RIMBP2: variants seen among roughly 807,000 people sequenced by gnomAD.
The protein encoded by RIMBP2 is RIMS binding protein 2.
Under a neutral mutation model 118.6 loss-of-function variants are expected in RIMBP2, and 48 were observed. The ratio of observed to expected loss-of-function variants is 0.40; its 90% CI spans 0.32 to 0.51. RIMBP2 has a LOEUF of 0.51. Ranked by LOEUF, RIMBP2 falls within the 20% of genes least tolerant of loss-of-function variation. The pLI is 0.41. For synonymous variants in RIMBP2, 762 were observed against 742.9 expected (o/e 1.03, Z -0.42); for missense variants, 1,551 against 1,768.3 (o/e 0.88, Z 2.20).
In RIMBP2 at chr12:130,424,345, C is replaced by T. The variant is rs1593244857; in HGVS notation, c.2926G>A (p.Glu976Lys). Reference protein sequence around the residue: ...RQSSVEEDFGEQVGPGGLLRN... With the variant: ...RQSSVEEDFGKQVGPGGLLRN... Reference sequence around the variant, plus strand: ...AGGAGGCCACCAGGGCCCACCTGCTCCCCAAAGTCCTCCTCCACGCTGCTC... The same window carrying T: ...AGGAGGCCACCAGGGCCCACCTGCTTCCCAAAGTCCTCCTCCACGCTGCTC... Residue 976 changes from glutamate to lysine, a missense_variant, in exon 16 of 23, where the codon GAG becomes AAG. By Grantham distance (56) the Glu-to-Lys change is moderately conservative. This residue lies in a region of RIMBP2 where 1,038 missense variants were observed against 1,125.1 expected (regional missense o/e 0.92). Coordinates refer to ENST00000690449, the MANE Select transcript of RIMBP2 (RefSeq NM_001393629.1). This position sits in a 1 kb window ranked among gnomAD's most constrained non-coding sequence, Gnocchi z 9.8. The T allele has an allele frequency of 8.1e-7, 1 of 1,232,222 alleles. No individual in the cohort carries two copies. Among genetic ancestry groups the T allele is most frequent in the African/African-American group, 1.5e-5 (1 of 64,522 alleles). The allele number at this position is 1,232,222 out of a possible 1,614,324, so 76.3% of individuals were successfully genotyped here. A position where few individuals can be genotyped will look rare whatever the true frequency, so the allele number is the denominator to read the frequency against.
At chr12:130,610,252 G>T (rs1200837501) in intron 2 of RIMBP2, among the ~76,000 whole-genome samples, 1 of 150,840 alleles carries the variant, frequency 6.6e-6, no homozygotes, top group Non-Finnish European at 1.5e-5. Context: ...TGCTCCTCCC[G>T]GTCCCTCCCG....
At chr12:130,590,027 A>G (rs1299420087) in intron 2 of RIMBP2, among the ~76,000 whole-genome samples, 1 of 152,196 alleles carries the variant, frequency 6.6e-6, no homozygotes, top group African/African-American at 2.4e-5. Flanking sequence ...GAGGGATTGG[A>G]GTCTTCGACT....
intron 1 of RIMBP2, among the ~76,000 whole-genome samples, chr12:130,675,662 G>A (rs1278019234): frequency 3.3e-5 from 5 of 152,146 alleles, no homozygotes; most frequent in Admixed American, 1.3e-4. Context: ...CAATCAGATC[G>A]GTTTCAGCTT....
chr12:130,676,545 C>T (rs1011664007), intron 1 of RIMBP2, among the ~76,000 whole-genome samples: 13 of 151,852 alleles, frequency 8.6e-5, no homozygotes, highest in Non-Finnish European at 8.8e-5. Flanking sequence ...ATCGCTTGAA[C>T]CCGGGAGGTG....
intron 2 of RIMBP2, among the ~76,000 whole-genome samples, chr12:130,589,601 A>G (rs2140301164): frequency 6.6e-6 from 1 of 152,290 alleles, no homozygotes; most frequent in Non-Finnish European, 1.5e-5. Flanking sequence ...AGCCATGCCC[A>G]GTTTGTTCTC....
At position 130,475,342 on chromosome 12, in the gene RIMBP2, C is replaced by T. The variant is rs565679614; in HGVS notation, c.102+3570G>A. 5.3e-5 allele frequency among the ~76,000 whole-genome samples: 8 copies of T among 152,306 alleles called. No individual in the cohort carries two copies. The highest frequency in any genetic ancestry group is 1.9e-4 in the East Asian group (1 of 5,176). The stretch of plus-strand genomic sequence containing the variant: ...TGGGATGCAGGCCCCTGATATTAGA[C>T]GCCTGAATGTCCAGCACCCTCTCAA... On this transcript the variant is annotated intron_variant, in intron 5 of 22. Transcript: ENST00000690449. This position sits in a 1 kb window ranked among gnomAD's most constrained non-coding sequence, Gnocchi z 4.1.
intron 22 of RIMBP2, 38 bp downstream of exon 22, chr12:130,399,641 C>T (rs202012356): frequency 3.1e-5 from 50 of 1,609,864 alleles, no homozygotes; most frequent in African/African-American, 1.1e-4. Context: ...TATGGCAGAA[C>T]GGGACAGAGA....
Position 130,428,314 on chromosome 12 carries a change from C to T in RIMBP2, c.2277G>A (p.Glu759=), listed in dbSNP as rs140050120. Residue 759 remains glutamate (E), a synonymous_variant, in exon 15 of 23, where the codon GAG becomes GAA. Transcript: ENST00000690449. ...GKQPHCCHGD[E]YHTESSRGSD... is the part of the protein sequence containing the mutation. ...ACCCCCGGCTGCTCTCTGTGTGGTA[C>T]TCGTCTCCATGGCAACAGTGCGGCT... 1 of 1,611,954 alleles carries T rather than the reference C, an allele frequency of 6.2e-7. No individual in the cohort carries two copies. The highest frequency in any genetic ancestry group is 8.5e-7 in the Non-Finnish European group (1 of 1,178,954).
At chr12:130,708,773 G>A (rs1312834126) in intron 1 of RIMBP2, among the ~76,000 whole-genome samples, 3 of 152,188 alleles carry the variant, frequency 2.0e-5, no homozygotes, top group South Asian at 2.1e-4. Flanking sequence ...AGAGGCTCGC[G>A]TGGGCCCTGG....
chr12:130,642,441 C>T (rs992456266), intron 1 of RIMBP2, among the ~76,000 whole-genome samples: 21 of 152,112 alleles, frequency 1.4e-4, no homozygotes, highest in Admixed American at 1.4e-3. Flanking sequence ...CCCGCTACCA[C>T]GCCCAGCTAA....
chr12:130,512,665 G>A (rs2051041154), intron 3 of RIMBP2, among the ~76,000 whole-genome samples: 1 of 152,150 alleles, frequency 6.6e-6, no homozygotes, highest in South Asian at 2.1e-4. Context: ...CAGTCTCCTG[G>A]ATGTTCTCAA....
Position 130,437,238 on chromosome 12 carries a change from C to G in RIMBP2, c.1710G>C (p.Arg570=). 1 of 1,586,754 alleles carries G rather than the reference C, an allele frequency of 6.3e-7. No individual in the cohort carries two copies. ...TADSTAVELV[R]LRSLEAKGVT... ...CGCCCTTGGCCTCCAGGCTCCGCAGCCGCACAAGCTCCACGGCCGTGCTGT... is the reference window on the plus strand; with the variant it reads ...CGCCCTTGGCCTCCAGGCTCCGCAGGCGCACAAGCTCCACGGCCGTGCTGT... Residue 570 remains arginine (R), a synonymous_variant, in exon 13 of 23, where the codon CGG becomes CGC. Transcript: ENST00000690449.
chr12:130,507,932 A>G (rs914612523), intron 3 of RIMBP2, among the ~76,000 whole-genome samples: 1 of 152,160 alleles, frequency 6.6e-6, no homozygotes, highest in African/African-American at 2.4e-5. Context: ...AAAGAAAGGG[A>G]GGCACCCACT....
chr12:130,504,616 C>G (rs564428821), intron 4 of RIMBP2, among the ~76,000 whole-genome samples: 18 of 152,248 alleles, frequency 1.2e-4, no homozygotes, highest in Non-Finnish European at 2.4e-4. Context: ...AACACCAGAT[C>G]GTAGCCCTGT....
intron 1 of RIMBP2, chr12:130,660,519 A>G: frequency 6.6e-6 from 1 of 152,270 alleles, no homozygotes; most frequent in Non-Finnish European, 1.5e-5. Flanking sequence ...GTGAATATGG[A>G]GAAATCTGGA....
intron 2 of RIMBP2, among the ~76,000 whole-genome samples, chr12:130,594,919 G>T (rs2140356305): frequency 6.6e-6 from 1 of 152,308 alleles, no homozygotes; most frequent in South Asian, 2.1e-4. Flanking sequence ...TTGCCGGGGA[G>T]TAATACAATG....
intron 20 of RIMBP2, among the ~76,000 whole-genome samples, chr12:130,406,792 G>A (rs1215300387): frequency 6.6e-6 from 1 of 152,118 alleles, no homozygotes; most frequent in Non-Finnish European, 1.5e-5. Context: ...GACTACAGGT[G>A]TGTGCCACCA....
At chr12:130,409,882 TA>T (rs564452835) in intron 19 of RIMBP2, among the ~76,000 whole-genome samples, 321 of 152,368 alleles carry the variant, frequency 2.1e-3, no homozygotes, top group Middle Eastern at 0.01. Context: ...TGTGTGAACG[TA>T]AGTTTCCCTT....
chr12:130,462,917 C>T (rs1387812313), intron 6 of RIMBP2, among the ~76,000 whole-genome samples: 6 of 152,316 alleles, frequency 3.9e-5, no homozygotes, highest in African/African-American at 1.4e-4. Context: ...GCACAGCCTC[C>T]CCCACCTCAA....
Sources: gnomAD v4.1 joint callset for allele counts (sites outside exome capture counted in the v4.1 genomes callset) on GRCh38, gnomAD v4.1.1 for gene constraint, gnomAD v4.1.1 regional missense constraint, Gnocchi (gnomAD v3.1) non-coding constraint, MANE v1.5 for transcripts, NCBI Gene and HGNC (gene_info 2026-07-23, HGNC 2026-07-21) for gene names.